Variants in DNAH11 observed in about 807,000 individuals in gnomAD.
DNAH11 encodes the protein axonemal beta dynein heavy chain 11.
In DNAH11, 442 loss-of-function variants were observed where a neutral mutation model predicts 526.0. The observed-to-expected ratio is 0.84, with a 90% CI of 0.78 to 0.91. The LOEUF is 0.91. Among genes scored for constraint, DNAH11 ranks in the 40% least tolerant of loss-of-function variants. The pLI is 0.00. For synonymous variants in DNAH11, 2,461 were observed against 1,935.9 expected (o/e 1.27, Z -7.12); for missense variants, 6,989 against 5,448.7 (o/e 1.28, Z -8.90).
intron 56 of DNAH11, among the ~76,000 whole-genome samples, chr7:21,777,116 T>C (rs1787708468): frequency 6.6e-6 from 1 of 152,152 alleles, no homozygotes; most frequent in Non-Finnish European, 1.5e-5. Flanking sequence ...GAATCCTAGT[T>C]CCTGGCCATC....
Position 21,816,713 on chromosome 7 carries a change from T to C in DNAH11, c.10568+11T>C, listed in dbSNP as rs752024512. ...TTTGGGCCAGAAAGGGTATGTGAAG[T>C]TTGAAGAGACTGGCTTTCTGTTTAC... On this transcript the variant is annotated intron_variant, in intron 64 of 81. Coordinates refer to ENST00000409508, the MANE Select transcript of DNAH11 (RefSeq NM_001277115.2). The C allele has an allele frequency of 3.1e-6, 5 of 1,610,274 alleles. No individual in the cohort carries two copies. The highest frequency in any genetic ancestry group is 3.4e-6 in the Non-Finnish European group (4 of 1,177,476).
intron 28 of DNAH11, among the ~76,000 whole-genome samples, chr7:21,655,050 TTTG>T (rs1781954099): frequency 6.6e-6 from 1 of 151,992 alleles, no homozygotes; most frequent in Admixed American, 6.6e-5. Context: ...TGATCTGATC[TTTG>T]TTGTTGTTGG....
chr7:21,727,492 A>G (rs1051881271), intron 45 of DNAH11, among the ~76,000 whole-genome samples: 3 of 152,238 alleles, frequency 2.0e-5, no homozygotes, highest in Non-Finnish European at 4.4e-5. Context: ...GTGACAGCTA[A>G]TGATCCAAAT....
chr7:21,861,786 G>T, intron 68 of DNAH11, 67 bp from the exon 69 acceptor site: 1 of 1,584,908 alleles, frequency 6.3e-7, no homozygotes, highest in Non-Finnish European at 8.6e-7. Flanking sequence ...GTTGCCCTGT[G>T]TATCGGGGGT....
chr7:21,595,381 A>G (rs1680590573), intron 14 of DNAH11, among the ~76,000 whole-genome samples: 1 of 152,244 alleles, frequency 6.6e-6, no homozygotes, highest in African/African-American at 2.4e-5. Flanking sequence ...ACAGTGGCAC[A>G]GGCACGTAAC....
intron 14 of DNAH11, among the ~76,000 whole-genome samples, chr7:21,599,355 T>A (rs532752032): frequency 1.3e-5 from 2 of 152,342 alleles, no homozygotes; most frequent in South Asian, 4.1e-4. Flanking sequence ...GACTTGATAG[T>A]CTTCAGATGT....
intron 66 of DNAH11, among the ~76,000 whole-genome samples, chr7:21,846,686 G>A (rs975497190): frequency 6.6e-6 from 1 of 152,004 alleles, no homozygotes; most frequent in Non-Finnish European, 1.5e-5. Context: ...CCTGTAATGG[G>A]TTTATCTGGT....
At chr7:21,831,970 G>T (rs993564417) in intron 65 of DNAH11, among the ~76,000 whole-genome samples, 2 of 151,884 alleles carry the variant, frequency 1.3e-5, no homozygotes, top group Non-Finnish European at 2.9e-5. Context: ...GGCACCTGTA[G>T]TCCCAGCTAC....
chr7:21,870,104 T>C (rs1783438800), intron 73 of DNAH11, among the ~76,000 whole-genome samples: 1 of 152,282 alleles, frequency 6.6e-6, no homozygotes, highest in African/African-American at 2.4e-5. Context: ...ATTCTCTATA[T>C]AAAGATGAGA....
At chr7:21,614,492 A>G (rs928348142) in intron 20 of DNAH11, among the ~76,000 whole-genome samples, 6 of 152,196 alleles carry the variant, frequency 3.9e-5, no homozygotes, top group Non-Finnish European at 8.8e-5. Context: ...GAAAATTAAG[A>G]CTTGGTCATC....
Position 21,664,407 on chromosome 7 carries a change from GC to G in DNAH11, c.5328+5381del, listed in dbSNP as rs1297434504. ...ATGTCTCTACAGTGTATCTCCCCTCGCCCCCGCCCCCGCAATTCTTTCAGGT... is the reference window on the plus strand; with the variant it reads ...ATGTCTCTACAGTGTATCTCCCCTCGCCCCGCCCCCGCAATTCTTTCAGGT... On this transcript the variant is annotated intron_variant, in intron 30 of 81. Transcript: ENST00000409508. 1.4e-4 allele frequency among the ~76,000 whole-genome samples: 21 copies of G among 150,214 alleles called. No homozygotes were observed. In the East Asian group the frequency reaches 4.1e-3, roughly 30 times the overall value.
intron 38 of DNAH11, among the ~76,000 whole-genome samples, chr7:21,705,051 A>G (rs1283431412): frequency 2.6e-5 from 4 of 152,240 alleles, no homozygotes; most frequent in African/African-American, 4.8e-5. Context: ...AGCCTCGTGC[A>G]TATTTTTCAA....
In DNAH11 at chr7:21,715,043, A is replaced by G. The variant is rs564694517; in HGVS notation, c.6984-2732A>G. Among the ~76,000 whole-genome samples, 20 of 152,294 alleles carry G rather than the reference A, an allele frequency of 1.3e-4. 1 individual carries two copies. The highest frequency in any genetic ancestry group is 4.8e-4 in the African/African-American group (20 of 41,558). ...TGCAATCCCACTGTCTCATCTTGGG[A>G]TACTGTATATGCTTACAAACATGCA... is the stretch of plus-strand genomic sequence containing the variant. On this transcript the variant is annotated intron_variant, in intron 42 of 81. Transcript: ENST00000409508.
chr7:21,623,842 C>T (rs1786199008), intron 25 of DNAH11, among the ~76,000 whole-genome samples: 1 of 151,674 alleles, frequency 6.6e-6, no homozygotes, highest in South Asian at 2.1e-4. Context: ...GGAGGGATAG[C>T]ATTAGGAGAT....
intron 28 of DNAH11, among the ~76,000 whole-genome samples, chr7:21,650,243 C>G (rs1164832488): frequency 6.6e-6 from 1 of 152,122 alleles, no homozygotes; most frequent in Non-Finnish European, 1.5e-5. Flanking sequence ...AGTGAGAAAT[C>G]AAATTACAAA....
At chr7:21,638,693 T>G (rs572894066) in intron 27 of DNAH11, among the ~76,000 whole-genome samples, 59 of 6,170 alleles carry the variant, frequency 9.6e-3, no homozygotes, top group Admixed American at 0.024. Context: ...GCTAATGGGG[T>G]GTGTGTGTGT....
At chr7:21,857,893 T>C (rs1782914041) in intron 68 of DNAH11, among the ~76,000 whole-genome samples, 1 of 152,278 alleles carries the variant, frequency 6.6e-6, no homozygotes, top group South Asian at 2.1e-4. Flanking sequence ...CAAAGATTTC[T>C]TAGGACACAA....
At chr7:21,826,279 TC>T in intron 65 of DNAH11, among the ~76,000 whole-genome samples, 1 of 152,160 alleles carries the variant, frequency 6.6e-6, no homozygotes, top group African/African-American at 2.4e-5. Flanking sequence ...TATTTCCTCA[TC>T]TAACTCTTTA....
intron 65 of DNAH11, among the ~76,000 whole-genome samples, chr7:21,837,590 G>A (rs1782042566): frequency 6.6e-6 from 1 of 152,050 alleles, no homozygotes; most frequent in Non-Finnish European, 1.5e-5. Flanking sequence ...GAGGATGGTG[G>A]GGAGAGATTG....
Sources: allele counts gnomAD v4.1 joint callset (sites outside exome capture counted in the v4.1 genomes callset), GRCh38; gene constraint gnomAD v4.1.1; transcripts MANE v1.5; gene names NCBI Gene and HGNC (gene_info 2026-07-23, HGNC 2026-07-21).